RANBP2: variants seen among roughly 807,000 people sequenced by gnomAD.
The protein encoded by RANBP2 is RAN binding protein 2, also known as E3 SUMO-protein ligase RanBP2.
RANBP2 carries 57 observed loss-of-function variants against 303.6 expected under a neutral mutation model. That is an observed-to-expected ratio of 0.19 (90% CI 0.15 to 0.23). The LOEUF (loss-of-function observed/expected upper bound fraction) is 0.23. Ranked by LOEUF, RANBP2 falls within the 10% of genes least tolerant of loss-of-function variation. The pLI, the probability that RANBP2 is intolerant of heterozygous loss-of-function variation, is 1.00. For synonymous variants in RANBP2, 1,167 were observed against 1,301.5 expected (o/e 0.90, Z 2.23); for missense variants, 3,138 against 3,780.8 (o/e 0.83, Z 4.46).
the RANBP2 span, among the ~76,000 whole-genome samples, chr2:109,174,973 G>A: frequency 6.6e-6 from 1 of 152,214 alleles, no homozygotes; most frequent in Admixed American, 6.5e-5. Context: ...TTTAAAGAGT[G>A]ATTTATACCT....
chr2:109,348,215 G>C, the RANBP2 span, among the ~76,000 whole-genome samples: 7 of 152,184 alleles, frequency 4.6e-5, no homozygotes, highest in Non-Finnish European at 8.8e-5. Flanking sequence ...GATAATATAA[G>C]CCTCCATCAG....
the RANBP2 span, among the ~76,000 whole-genome samples, chr2:109,620,703 A>T: frequency 1.3e-5 from 2 of 152,314 alleles, no homozygotes; most frequent in African/African-American, 4.8e-5. Context: ...CTGTCTCAAA[A>T]AAAAAATAGA....
chr2:108,833,889 G>A, the RANBP2 span, among the ~76,000 whole-genome samples: 1,955 of 126,100 alleles, frequency 0.016, 53 homozygotes, highest in South Asian at 0.096. Context: ...TACCACGCCC[G>A]GCTAATTTTT....
At chr2:109,061,909 G>A in the RANBP2 span, among the ~76,000 whole-genome samples, 1 of 152,110 alleles carries the variant, frequency 6.6e-6, no homozygotes, top group Non-Finnish European at 1.5e-5. Context: ...CCCAGCAGTG[G>A]GGGTCAGCTG....
At chr2:108,790,608 A>T (rs779560046), downstream of RANBP2, among the ~76,000 whole-genome samples, 6 of 152,224 alleles carry the variant, frequency 3.9e-5, no homozygotes, top group Admixed American at 6.5e-5. Flanking sequence ...AGGCTGAGAC[A>T]GGAGAATTGC....
chr2:108,764,343 C>T lies in RANBP2; in HGVS notation c.3804C>T (p.Ala1268=), dbSNP rs111561767. The change falls in exon 20 of 29, where the codon GCC becomes GCT. Residue 1268 remains alanine, a synonymous_variant. Transcript: ENST00000283195. ...AGSDRSFVWH[A]LDYADELPKP... ...CAGACAGATCTTTTGTATGGCATGC[C>T]CTTGATTATGCAGATGAGTTGCCAA... The T allele has an allele frequency of 3.7e-6, 6 of 1,613,612 alleles. No individual in the cohort carries two copies. Among genetic ancestry groups the T allele is most frequent in the African/African-American group, 1.3e-5 (1 of 74,942 alleles).
intron 7 of RANBP2, among the ~76,000 whole-genome samples, chr2:108,742,226 C>T (rs1297333400): frequency 6.6e-6 from 1 of 151,968 alleles, no homozygotes; most frequent in Non-Finnish European, 1.5e-5. Flanking sequence ...GAACTCCTGA[C>T]CTCAGGTGAT....
At chr2:109,368,765 G>T in the RANBP2 span, among the ~76,000 whole-genome samples, 1 of 150,902 alleles carries the variant, frequency 6.6e-6, no homozygotes. Flanking sequence ...AATTAATCTG[G>T]CATTTTCTTC....
chr2:109,191,064 C>G, the RANBP2 span, among the ~76,000 whole-genome samples: 10 of 151,978 alleles, frequency 6.6e-5, no homozygotes, highest in African/African-American at 2.4e-4. Context: ...GTCTAACCTC[C>G]TCTGTTGTAT....
At chr2:108,802,078 G>T in the RANBP2 span, among the ~76,000 whole-genome samples, 2 of 145,024 alleles carry the variant, frequency 1.4e-5, no homozygotes, top group African/African-American at 5.1e-5. Context: ...CTCCAGCTTT[G>T]TTCTTTTGGC....
At chr2:108,906,526 G>A in the RANBP2 span, among the ~76,000 whole-genome samples, 1 of 152,220 alleles carries the variant, frequency 6.6e-6, no homozygotes. Context: ...CACACAGGGA[G>A]GAGGGCCTTC....
At chr2:109,066,475 C>T in the RANBP2 span, among the ~76,000 whole-genome samples, 1 of 152,112 alleles carries the variant, frequency 6.6e-6, no homozygotes, top group Non-Finnish European at 1.5e-5. Context: ...GCTAACTGTT[C>T]CCCCACCAAC....
chr2:109,295,172 C>T, the RANBP2 span, among the ~76,000 whole-genome samples: 5 of 152,228 alleles, frequency 3.3e-5, no homozygotes, highest in Non-Finnish European at 7.3e-5. Flanking sequence ...AGGTGCCTGC[C>T]CCTCTCCACC....
the RANBP2 span, among the ~76,000 whole-genome samples, chr2:109,287,354 C>G: frequency 2.6e-4 from 39 of 152,278 alleles, no homozygotes; most frequent in Admixed American, 1.8e-3. Flanking sequence ...GAAAGTACAT[C>G]TTGACTCTGA....
At chr2:109,116,267 C>T in the RANBP2 span, among the ~76,000 whole-genome samples, 14 of 152,216 alleles carry the variant, frequency 9.2e-5, no homozygotes, top group African/African-American at 3.4e-4. Flanking sequence ...TTCAGGTACA[C>T]CAGTTAGACG....
the RANBP2 span, among the ~76,000 whole-genome samples, chr2:109,673,256 G>A: frequency 6.6e-6 from 1 of 152,098 alleles, no homozygotes; most frequent in African/African-American, 2.4e-5. Context: ...CTTTACAATG[G>A]GGACAGTACT....
At chr2:109,417,989 A>G in the RANBP2 span, among the ~76,000 whole-genome samples, 1 of 151,978 alleles carries the variant, frequency 6.6e-6, no homozygotes, top group Admixed American at 6.5e-5. Flanking sequence ...ACCTGGGGCA[A>G]CTTCCAGGTG....
the RANBP2 span, chr2:108,839,185 C>T: frequency 2.5e-6 from 4 of 1,600,722 alleles, no homozygotes; most frequent in South Asian, 4.5e-5. Context: ...TTATCTTTAG[C>T]TTTTGCCTCT....
chr2:108,931,065 C>T, the RANBP2 span: 65 of 1,590,624 alleles, frequency 4.1e-5, no homozygotes, highest in Non-Finnish European at 5.3e-5. Context: ...TGGGCACTGG[C>T]GGTAGCACCC....
Sources: allele counts gnomAD v4.1 joint callset (sites outside exome capture counted in the v4.1 genomes callset), GRCh38; gene constraint gnomAD v4.1.1; transcripts MANE v1.5; gene names NCBI Gene and HGNC (gene_info 2026-07-23, HGNC 2026-07-21).